The following DARS2 variants were observed in gnomAD, a reference collection of about 807,000 sequenced individuals.
DARS2 encodes aspartyl-tRNA synthetase 2, mitochondrial.
A neutral mutation model predicts 83.0 loss-of-function variants in DARS2; 63 were observed. The ratio of observed to expected loss-of-function variants is 0.76; its 90% CI spans 0.62 to 0.94. The LOEUF is 0.94. Among genes scored for constraint, DARS2 ranks in the 40% least tolerant of loss-of-function variants. The pLI is 0.00. For synonymous variants in DARS2, 250 were observed against 269.3 expected (o/e 0.93, Z 0.70); for missense variants, 675 against 774.4 (o/e 0.87, Z 1.52).
In DARS2 at chr1:173,825,348, G is replaced by A. The variant is rs970650372; in HGVS notation, c.119G>A (p.Arg40Lys). ...AGTCTGTTGCAGAGTTCACAGAGGA[G>A]AATTCCAGGTGAAAATAGCGAAGAG... ...YRSLLQSSQR[R>K]IPEFSSFVVR... The change falls in exon 1 of 17, where the codon AGA becomes AAA. Residue 40 changes from arginine (R) to lysine (K), a missense_variant. Transcript: ENST00000649689. 7.4e-6 allele frequency: 12 copies of A among 1,613,194 alleles called. No homozygotes were observed. Among genetic ancestry groups the A allele is most frequent in the Non-Finnish European group, 1.0e-5 (12 of 1,179,572 alleles).
intron 1 of DARS2, 35 bp from the exon 2 acceptor site, chr1:173,826,652 C>T: frequency 6.7e-7 from 1 of 1,483,572 alleles, no homozygotes; most frequent in Non-Finnish European, 9.2e-7. Flanking sequence ...TTTAATCTTG[C>T]CTTTTAAAGT....
chr1:173,853,369 A>T lies in DARS2; in HGVS notation c.1365A>T (p.Leu455Phe), dbSNP rs1653746110. 4.3e-6 allele frequency: 7 copies of T among 1,613,866 alleles called. No individual in the cohort carries two copies. Among genetic ancestry groups the T allele is most frequent in the Non-Finnish European group, 5.9e-6 (7 of 1,180,016 alleles). Residue 455 changes from leucine (L) to phenylalanine (F), a missense_variant, in exon 14 of 17, where the codon TTA (leucine) becomes TTT (phenylalanine). Transcript: ENST00000649689. ...TGCAGTGCTCTTTGTTAGGAAAATT[A>T]CGACTGGAATGTGCTGACCTTCTAG... ...HNKACSLLGKLRLECADLLET... is the reference protein window; with the variant it reads ...HNKACSLLGKFRLECADLLET...
At chr1:173,834,768 G>GT (rs1652933877) in intron 7 of DARS2, among the ~76,000 whole-genome samples, 6 of 24,174 alleles carry the variant, frequency 2.5e-4, no homozygotes, top group African/African-American at 4.0e-4. Context: ...GGTTTGTTTT[G>GT]GGTTTTTTTT....
At chr1:173,854,054 C>A in intron 15 of DARS2, 149 bp downstream of exon 15, 1 of 704,580 alleles carries the variant, frequency 1.4e-6, no homozygotes, top group Non-Finnish European at 2.5e-6. Context: ...TAGCTCACTG[C>A]AATCTCAGTC....
chr1:173,833,558 G>A, intron 6 of DARS2, 59 bp downstream of exon 6: 2 of 1,608,396 alleles, frequency 1.2e-6, no homozygotes, highest in Non-Finnish European at 8.5e-7. Context: ...ATTTTATTCA[G>A]CAGTTTTATT....
intron 7 of DARS2, among the ~76,000 whole-genome samples, chr1:173,834,732 GTTTTTTTTTTTTTTT>G: frequency 4.6e-5 from 1 of 21,680 alleles, no homozygotes; most frequent in African/African-American, 1.8e-4. Context: ...GAGTTTTTTT[GTTTTTTTTTTTTTTT>G]TTTTTTTTTT....
At chr1:173,842,317 T>TTTTTTA (rs1304745729) in intron 11 of DARS2, among the ~76,000 whole-genome samples, 1 of 116,628 alleles carries the variant, frequency 8.6e-6, no homozygotes, top group Admixed American at 9.0e-5. Flanking sequence ...TTTTTTTTTT[T>TTTTTTA]AGAGTGAGTC....
At chr1:173,843,252 C>G (rs1421190470) in intron 11 of DARS2, among the ~76,000 whole-genome samples, 3 of 152,070 alleles carry the variant, frequency 2.0e-5, no homozygotes, top group African/African-American at 7.2e-5. Flanking sequence ...CTTAGGTTCA[C>G]AATGCTTAAA....
intron 12 of DARS2, 37 bp from the exon 13 acceptor site, chr1:173,850,283 CAAAAAAA>C: frequency 7.3e-7 from 1 of 1,368,454 alleles, no homozygotes; most frequent in South Asian, 1.4e-5. Flanking sequence ...TCCCACTGTT[CAAAAAAA>C]AAAAAAAACG....
At chr1:173,843,342 C>T (rs965366973) in intron 11 of DARS2, among the ~76,000 whole-genome samples, 7 of 151,950 alleles carry the variant, frequency 4.6e-5, no homozygotes, top group Non-Finnish European at 1.0e-4. Flanking sequence ...GGGCGGATCA[C>T]GAGGTCAGGA....
chr1:173,857,659 T>TGG lies in DARS2; in HGVS notation c.1892_1893insGG (p.Ile631MetfsTer28). 3.1e-6 allele frequency: 5 copies of TGG among 1,614,112 alleles called. No individual in the cohort carries two copies. Among genetic ancestry groups the TGG allele is most frequent in the Non-Finnish European group, 4.2e-6 (5 of 1,180,010 alleles). ...CCTGAGGAACTGAAGCCCTATCATATCCGAGTCTCCAAGCCAACAGACTCC... is the reference window on the plus strand; with the variant it reads ...CCTGAGGAACTGAAGCCCTATCATATGGCCGAGTCTCCAAGCCAACAGACTCC... On this transcript the variant is annotated frameshift_variant, in exon 17 of 17. Transcript: ENST00000649689. LOFTEE classifies it high-confidence loss of function.
At chr1:173,849,598 T>C (rs943669846) in intron 12 of DARS2, among the ~76,000 whole-genome samples, 1 of 151,904 alleles carries the variant, frequency 6.6e-6, no homozygotes, top group Non-Finnish European at 1.5e-5. Context: ...AGGTTTAGTT[T>C]AGCATGAGCA....
At chr1:173,855,105 CTTT>C (rs11367999) in intron 15 of DARS2, among the ~76,000 whole-genome samples, 5 of 142,834 alleles carry the variant, frequency 3.5e-5, no homozygotes, top group African/African-American at 2.6e-5. Flanking sequence ...AATCTGTTAA[CTTT>C]TTTTTTTTTT....
Position 173,853,542 on chromosome 1 carries a change from A to C in DARS2, c.1538A>C (p.His513Pro). 15 of 1,613,992 alleles carry C rather than the reference A, an allele frequency of 9.3e-6. No homozygotes were observed. Among genetic ancestry groups the C allele is most frequent in the Non-Finnish European group, 1.3e-5 (15 of 1,180,002 alleles). Residue 513 changes from histidine to proline, a missense_variant, in exon 14 of 17, where the codon CAT becomes CCT. By Grantham distance (77) the His-to-Pro change is moderately conservative (BLOSUM62 -2). Transcript: ENST00000649689. ...ACTGCTCCCCACCCCAGTGACATAC[A>C]TCTCCTGTACACTGAGCCCAAAAAG... The part of the protein sequence containing the change: ...PFTAPHPSDI[H>P]LLYTEPKKAR...
At chr1:173,842,284 C>CTTGTTTTTTTTTT (rs1653251632) in intron 11 of DARS2, among the ~76,000 whole-genome samples, 1 of 64,224 alleles carries the variant, frequency 1.6e-5, no homozygotes, top group Non-Finnish European at 2.7e-5. Flanking sequence ...TCATTACTTT[C>CTTGTTTTTTTTTT]TTTTTTTTTT....
intron 9 of DARS2, among the ~76,000 whole-genome samples, 157 bp downstream of exon 9, chr1:173,838,416 T>C (rs990487184): frequency 3.9e-5 from 5 of 127,528 alleles, no homozygotes; most frequent in Admixed American, 7.2e-5. Context: ...TAATTATTCT[T>C]TTTTTTTTAT....
At chr1:173,853,965 GTGT>G (rs971806969) in intron 15 of DARS2, 60 bp downstream of exon 15, 104 of 1,444,620 alleles carry the variant, frequency 7.2e-5, no homozygotes, top group Non-Finnish European at 8.3e-5. Context: ...TTTCAGTTTT[GTGT>G]TGTTGTTGTT....
At chr1:173,847,605 G>A (rs183518236) in intron 12 of DARS2, among the ~76,000 whole-genome samples, 2 of 152,038 alleles carry the variant, frequency 1.3e-5, no homozygotes, top group East Asian at 1.9e-4. Context: ...GCATACACAT[G>A]GTTCAAAAAA....
intron 10 of DARS2, among the ~76,000 whole-genome samples, chr1:173,840,261 C>T (rs572964202): frequency 2.6e-5 from 4 of 152,276 alleles, no homozygotes; most frequent in South Asian, 4.1e-4. Flanking sequence ...TTTTTTGAGA[C>T]GTAGTCTCGC....
Sources: gnomAD v4.1 joint callset for allele counts (sites outside exome capture counted in the v4.1 genomes callset) on GRCh38, gnomAD v4.1.1 for gene constraint, MANE v1.5 for transcripts, NCBI Gene and HGNC (gene_info 2026-07-23, HGNC 2026-07-21) for gene names.